The following MAPK10 variants were observed in gnomAD, a reference collection of about 807,000 sequenced individuals.
MAPK10 encodes JNK3 alpha protein kinase.
In MAPK10, 25 loss-of-function variants were observed where a neutral mutation model predicts 59.3. That is an observed-to-expected ratio of 0.42 (90% CI 0.31 to 0.59). The LOEUF is 0.59. MAPK10 is among the 20% of genes least tolerant of loss of function. MAPK10 has a pLI of 0.15. For synonymous variants in MAPK10, 190 were observed against 200.5 expected, an observed-to-expected ratio of 0.95 and a Z score of 0.44; for missense variants, 351 against 568.9, an observed-to-expected ratio of 0.62 and a Z score of 3.90.
intron 2 of MAPK10, among the ~76,000 whole-genome samples, chr4:86,248,130 C>T (rs995669748): frequency 2.0e-5 from 3 of 152,166 alleles, no homozygotes; most frequent in African/African-American, 7.2e-5. Flanking sequence ...ACTCAATCGC[C>T]ATATGGTGTT....
chr4:86,101,954 G>A lies in MAPK10; in HGVS notation c.504C>T (p.Tyr168=). The A allele has an allele frequency of 1.9e-6, 3 of 1,614,000 alleles. No individual in the cohort carries two copies. Among genetic ancestry groups the A allele is most frequent in the Middle Eastern group, 1.7e-4 (1 of 6,058 alleles). Residue 168 remains tyrosine, a synonymous_variant, in exon 7 of 14, where the codon TAC becomes TAT. Transcript: ENST00000641462. The stretch of plus-strand genomic sequence containing the variant: ...TGCCACACAACATTTGGTACAGCAG[G>A]TAAGACATTCGCTCATGGTCTAATT... The part of the protein sequence containing the change: ...QMELDHERMS[Y]LLYQMLCGIK...
In MAPK10 at chr4:86,016,740, C is replaced by G. The variant is rs1743466692; in HGVS notation, c.*488G>C. 1 of 157,442 alleles carries G rather than the reference C, an allele frequency of 6.4e-6. No individual in the cohort carries two copies. Among genetic ancestry groups the G allele is most frequent in the Admixed American group, 6.1e-5 (1 of 16,500 alleles). The allele number at this position is 157,442 out of a possible 1,614,324, so 9.8% of individuals were successfully genotyped here. ...AGAGCCCTGAGGACACTGACAGTAG[C>G]ATCTCTAAGTAAGTAGTGCTGTATG... is the stretch of plus-strand genomic sequence containing the variant. On this transcript the variant is annotated 3_prime_UTR_variant, in exon 14 of 14. Coordinates refer to ENST00000641462, the MANE Select transcript of MAPK10 (RefSeq NM_138982.4).
intron 3 of MAPK10, among the ~76,000 whole-genome samples, chr4:86,166,089 T>C (rs1427250938): frequency 2.0e-5 from 3 of 152,228 alleles, no homozygotes; most frequent in Non-Finnish European, 4.4e-5. Flanking sequence ...GGTGGGGAAC[T>C]AATACTGCTT....
At chr4:86,483,869 C>T (rs114883950) in intron 1 of MAPK10, among the ~76,000 whole-genome samples, 2,721 of 152,086 alleles carry the variant, frequency 0.018, 81 homozygotes, top group African/African-American at 0.063. Context: ...TGATTGAGGG[C>T]TTTATAAAAG....
intron 3 of MAPK10, among the ~76,000 whole-genome samples, chr4:86,164,208 A>G (rs76138861): frequency 4.4e-4 from 67 of 152,240 alleles, no homozygotes; most frequent in African/African-American, 1.4e-3. Context: ...TCTTTCATTT[A>G]TTATTTATAT....
intron 4 of MAPK10, among the ~76,000 whole-genome samples, chr4:86,110,498 C>G (rs537171481): frequency 1.8e-4 from 27 of 152,260 alleles, no homozygotes; most frequent in Admixed American, 1.4e-3. Flanking sequence ...TTCCCCATTG[C>G]TTGTTTTTGT....
chr4:86,098,528 C>G lies in MAPK10; in HGVS notation c.798G>C (p.Arg266Ser), dbSNP rs2054658492. Residue 266 changes from arginine (R) to serine (S), a missense_variant, in exon 9 of 14, where the codon AGG becomes AGC. Arg to Ser is a moderately radical substitution (Grantham distance 110, BLOSUM62 -1). Transcript: ENST00000641462. ...TAGCAAAAGGTACAAGGATACAGTC[C>G]CTTCCTGGAAAGAGGATTTTGTGGC... ...MVRHKILFPGRDYIDQWNKVI... is the reference protein window; with the variant it reads ...MVRHKILFPGSDYIDQWNKVI... 6.2e-7 allele frequency: 1 copy of G among 1,612,748 alleles called. No homozygotes were observed. The highest frequency in any genetic ancestry group is 1.3e-5 in the African/African-American group (1 of 74,820).
intron 3 of MAPK10, among the ~76,000 whole-genome samples, chr4:86,180,763 C>T (rs2076758788): frequency 6.6e-6 from 1 of 151,978 alleles, no homozygotes; most frequent in South Asian, 2.1e-4. Context: ...AAGTTAAACA[C>T]CACATGTTCT....
chr4:86,439,354 T>C lies in MAPK10; in HGVS notation c.-122+13676A>G, dbSNP rs188383044. Among the ~76,000 whole-genome samples the C allele has an allele frequency of 2.2e-3, 337 of 152,326 alleles. 1 individual carries two copies. Among genetic ancestry groups the C allele is most frequent in the Admixed American group, 3.1e-3 (47 of 15,300 alleles). On this transcript the variant is annotated intron_variant, in intron 1 of 13. Coordinates refer to the MAPK10 transcript ENST00000361569. ...TCCCTTTTCTAAAATATAAATTAAA[T>C]CATATATTATGTAGCCTGTTCAGTA...
chr4:86,320,520 TA>T (rs1416895175), intron 2 of MAPK10, among the ~76,000 whole-genome samples: 1 of 152,226 alleles, frequency 6.6e-6, no homozygotes, highest in East Asian at 1.9e-4. Flanking sequence ...AAGAATCTTG[TA>T]AATTTGTTTG....
chr4:86,427,256 C>CAAA (rs576600795), intron 1 of MAPK10, among the ~76,000 whole-genome samples: 4 of 93,750 alleles, frequency 4.3e-5, no homozygotes, highest in East Asian at 3.1e-4. Flanking sequence ...GATTCTGTCT[C>CAAA]AAAAAAAAAA....
At chr4:86,582,090 TTTTC>T (rs1762352175) in intron 1 of MAPK10, among the ~76,000 whole-genome samples, 1 of 151,546 alleles carries the variant, frequency 6.6e-6, no homozygotes, top group Admixed American at 6.6e-5. Context: ...CTACAGGCTT[TTTTC>T]TTTGTCTTCA....
At chr4:86,410,983 T>C (rs1463838222) in intron 1 of MAPK10, among the ~76,000 whole-genome samples, 1 of 152,200 alleles carries the variant, frequency 6.6e-6, no homozygotes, top group African/African-American at 2.4e-5. Context: ...GTTCTTTTAA[T>C]TGTGATGTTA....
At chr4:86,255,558 C>G (rs770363831) in intron 2 of MAPK10, among the ~76,000 whole-genome samples, 2 of 152,138 alleles carry the variant, frequency 1.3e-5, no homozygotes, top group Non-Finnish European at 2.9e-5. Flanking sequence ...GGAGACCACA[C>G]CATATATCTA....
At chr4:86,385,256 T>C (rs557437209) in intron 1 of MAPK10, among the ~76,000 whole-genome samples, 3 of 152,206 alleles carry the variant, frequency 2.0e-5, no homozygotes, top group Non-Finnish European at 4.4e-5. Flanking sequence ...AAATTCCTAC[T>C]TGTTATTCAA....
intron 9 of MAPK10, among the ~76,000 whole-genome samples, chr4:86,070,529 T>C (rs925596085): frequency 6.7e-6 from 1 of 148,930 alleles, no homozygotes; most frequent in African/African-American, 2.5e-5. Flanking sequence ...CTCCCAATGC[T>C]ATCCTTCCCC....
At chr4:86,308,279 G>A (rs1303222945) in intron 2 of MAPK10, among the ~76,000 whole-genome samples, 2 of 152,076 alleles carry the variant, frequency 1.3e-5, no homozygotes, top group Non-Finnish European at 2.9e-5. Context: ...TTCCAAAGGG[G>A]TGGGAGATAA....
At chr4:86,309,908 G>C (rs772547450) in intron 2 of MAPK10, among the ~76,000 whole-genome samples, 50 of 152,168 alleles carry the variant, frequency 3.3e-4, no homozygotes, top group Non-Finnish European at 2.1e-4. Flanking sequence ...GTTTGAGCCT[G>C]TGAAAGGAAA....
At chr4:86,359,286 C>CTGTG (rs1260423766) in intron 1 of MAPK10, among the ~76,000 whole-genome samples, 36 of 118,108 alleles carry the variant, frequency 3.0e-4, no homozygotes, top group African/African-American at 1.2e-3. Context: ...CTCTCTCTCT[C>CTGTG]TCTGTGTGTG....
Sources: allele counts gnomAD v4.1 joint callset (sites outside exome capture counted in the v4.1 genomes callset), GRCh38; gene constraint gnomAD v4.1.1; transcripts MANE v1.5; gene names NCBI Gene and HGNC (gene_info 2026-07-23, HGNC 2026-07-21).